LRRC4C: variants seen among roughly 807,000 people sequenced by gnomAD.
LRRC4C encodes leucine-rich repeat-containing protein 4C.
Under a neutral mutation model 33.6 loss-of-function variants are expected in LRRC4C, and 5 were observed. The ratio of observed to expected loss-of-function variants is 0.15; its 90% CI spans 0.08 to 0.31. LRRC4C has a LOEUF of 0.31. LRRC4C is among the 10% of genes least tolerant of loss of function. The pLI is 1.00. For synonymous variants in LRRC4C, 329 were observed against 302.0 expected (o/e 1.09, Z -0.93); for missense variants, 560 against 796.7 (o/e 0.70, Z 3.58).
At chr11:40,756,412 A>C (rs567294577) in intron 2 of LRRC4C, among the ~76,000 whole-genome samples, 1 of 152,196 alleles carries the variant, frequency 6.6e-6, no homozygotes, top group Admixed American at 6.6e-5. Flanking sequence ...TGCATTTACT[A>C]TGCAGCATTT....
At chr11:40,547,699 T>C (rs1174369486) in intron 3 of LRRC4C, among the ~76,000 whole-genome samples, 1 of 152,086 alleles carries the variant, frequency 6.6e-6, no homozygotes, top group Non-Finnish European at 1.5e-5. Flanking sequence ...CTATAGGACA[T>C]AAAATGCTGT....
At chr11:40,517,662 A>T (rs1264939060) in intron 3 of LRRC4C, among the ~76,000 whole-genome samples, 2 of 151,920 alleles carry the variant, frequency 1.3e-5, no homozygotes, top group Non-Finnish European at 2.9e-5. Context: ...CATCGTGAAA[A>T]TGGCCATACT....
At chr11:40,448,713 T>C (rs1351039016) in intron 3 of LRRC4C, among the ~76,000 whole-genome samples, 1 of 152,210 alleles carries the variant, frequency 6.6e-6, no homozygotes, top group Non-Finnish European at 1.5e-5. Flanking sequence ...TAAACATATG[T>C]GTGCATGTGT....
At chr11:40,617,810 C>T (rs1262593645) in intron 3 of LRRC4C, among the ~76,000 whole-genome samples, 1 of 151,574 alleles carries the variant, frequency 6.6e-6, no homozygotes, top group Non-Finnish European at 1.5e-5. Flanking sequence ...TTTAGCATCC[C>T]CTTTTCACAG....
intron 4 of LRRC4C, among the ~76,000 whole-genome samples, chr11:40,261,512 T>C (rs1282243606): frequency 6.6e-6 from 1 of 152,144 alleles, no homozygotes; most frequent in Non-Finnish European, 1.5e-5. Context: ...CTACAGAAAC[T>C]ATTTTCATCT....
At chr11:41,109,805 C>T (rs1308546786) in intron 1 of LRRC4C, among the ~76,000 whole-genome samples, 3 of 152,036 alleles carry the variant, frequency 2.0e-5, no homozygotes, top group African/African-American at 7.2e-5. Flanking sequence ...CTAGACCTAA[C>T]TCAAAGTAAC....
intron 3 of LRRC4C, among the ~76,000 whole-genome samples, chr11:40,643,098 T>A (rs1403461823): frequency 6.6e-6 from 1 of 152,192 alleles, no homozygotes; most frequent in Non-Finnish European, 1.5e-5. Flanking sequence ...GGTGAGTTCC[T>A]GGGTTTTTGT....
At chr11:41,157,534 C>T (rs1944287999) in intron 1 of LRRC4C, among the ~76,000 whole-genome samples, 1 of 152,134 alleles carries the variant, frequency 6.6e-6, no homozygotes, top group Non-Finnish European at 1.5e-5. Context: ...CTTAAATCCA[C>T]TATTGGCAGA....
chr11:40,291,090 C>A (rs1263366779), intron 4 of LRRC4C, among the ~76,000 whole-genome samples: 1 of 151,988 alleles, frequency 6.6e-6, no homozygotes, highest in Admixed American at 6.6e-5. Context: ...GACTTGAGAT[C>A]TCTGGAGAGT....
chr11:41,441,484 G>A (rs553394733), intron 1 of LRRC4C, among the ~76,000 whole-genome samples: 32 of 149,442 alleles, frequency 2.1e-4, no homozygotes, highest in African/African-American at 8.1e-4. Flanking sequence ...TACTTTCAAC[G>A]CTCTTTTTTT....
intron 2 of LRRC4C, among the ~76,000 whole-genome samples, chr11:40,877,297 G>T (rs945257687): frequency 1.3e-5 from 2 of 152,042 alleles, no homozygotes; most frequent in African/African-American, 4.8e-5. Context: ...CAGTTTTCCC[G>T]ACATGTAATT....
rs187149464 is a variant in LRRC4C, at chr11:41,058,930, T to A, written c.-495-125207A>T. Among the ~76,000 whole-genome samples the A allele has an allele frequency of 2.6e-5, 4 of 152,284 alleles. No homozygotes were observed. The East Asian group carries it at 7.8e-4, about 30-fold the overall frequency. The stretch of plus-strand genomic sequence containing the variant: ...GAATGTGAATGAAGCTGAAGGCCAT[T>A]ATTCTAAGGGAACTAATGCAGGAAT... On this transcript the variant is annotated intron_variant, in intron 1 of 6. Coordinates refer to ENST00000528697, the MANE Select transcript of LRRC4C (RefSeq NM_001258419.2).
chr11:41,143,763 TAA>T (rs962593310), intron 1 of LRRC4C, among the ~76,000 whole-genome samples: 13 of 152,144 alleles, frequency 8.5e-5, no homozygotes, highest in African/African-American at 2.4e-4. Context: ...CATAATTCCT[TAA>T]AAACTTTCCA....
chr11:41,108,891 T>C (rs1052245561), intron 1 of LRRC4C, among the ~76,000 whole-genome samples: 1 of 152,120 alleles, frequency 6.6e-6, no homozygotes, highest in African/African-American at 2.4e-5. Flanking sequence ...CTAATATTAA[T>C]TGCATGAAGA....
intron 2 of LRRC4C, among the ~76,000 whole-genome samples, chr11:40,874,742 G>C (rs947270710): frequency 1.3e-5 from 2 of 152,286 alleles, no homozygotes; most frequent in Middle Eastern, 6.8e-3. Flanking sequence ...AGAGATTCGG[G>C]TTCACTGGAT....
chr11:41,276,840 C>A (rs1174916780), intron 1 of LRRC4C, among the ~76,000 whole-genome samples: 1 of 152,106 alleles, frequency 6.6e-6, no homozygotes, highest in African/African-American at 2.4e-5. Flanking sequence ...CGCAGGCAGC[C>A]ACTGGAAGCT....
chr11:40,152,568 CT>C (rs1290773978), intron 5 of LRRC4C, among the ~76,000 whole-genome samples: 1 of 152,158 alleles, frequency 6.6e-6, no homozygotes, highest in Non-Finnish European at 1.5e-5. Context: ...CCCTCTCGCC[CT>C]CTGCCTGGAA....
In LRRC4C at chr11:41,119,500, T is replaced by C. The variant is rs143210323; in HGVS notation, c.-495-185777A>G. Among the ~76,000 whole-genome samples, 1,172 of 152,250 alleles carry C rather than the reference T, an allele frequency of 7.7e-3. 11 individuals are homozygous for C. Among genetic ancestry groups the C allele is most frequent in the African/African-American group, 0.027 (1,111 of 41,560 alleles). ...AGTCAATTTGCCTAAACCACTTAGG[T>C]GGCAGAACATTTTTGCTGTTCTGTT... On this transcript the variant is annotated intron_variant, in intron 1 of 6. Transcript: ENST00000528697.
chr11:40,359,917 G>A (rs7104767), intron 3 of LRRC4C, among the ~76,000 whole-genome samples: 75,580 of 151,894 alleles, frequency 0.5, 19,218 homozygotes, highest in East Asian at 0.8. Context: ...AGGGAAAAAA[G>A]TGAAATCCAC....
Sources: gnomAD v4.1 joint callset for allele counts (sites outside exome capture counted in the v4.1 genomes callset) on GRCh38, gnomAD v4.1.1 for gene constraint, MANE v1.5 for transcripts, NCBI Gene and HGNC (gene_info 2026-07-23, HGNC 2026-07-21) for gene names.